Variants in LRP1B observed in about 807,000 individuals in gnomAD.
LRP1B encodes the protein low-density lipoprotein receptor-related protein 1B.
Under a neutral mutation model 556.6 loss-of-function variants are expected in LRP1B, and 217 were observed. The observed-to-expected ratio is 0.39, with a 90% CI of 0.35 to 0.44. The LOEUF (loss-of-function observed/expected upper bound fraction) is 0.44. Among genes scored for constraint, LRP1B ranks in the 20% least tolerant of loss-of-function variants. The pLI is 1.00. For synonymous variants in LRP1B, 2,047 were observed against 1,865.8 expected, an observed-to-expected ratio of 1.10 and a Z score of -2.50; for missense variants, 5,053 against 5,620.8, an observed-to-expected ratio of 0.90 and a Z score of 3.23.
intron 84 of LRP1B, among the ~76,000 whole-genome samples, chr2:140,286,819 G>A (rs1171689355): frequency 1.3e-5 from 2 of 151,600 alleles, no homozygotes; most frequent in Non-Finnish European, 2.9e-5. Context: ...AGCACTCAAA[G>A]TATCTATTAA....
At chr2:141,954,446 C>G (rs1426081959) in intron 1 of LRP1B, among the ~76,000 whole-genome samples, 1 of 152,020 alleles carries the variant, frequency 6.6e-6, no homozygotes, top group Non-Finnish European at 1.5e-5. Flanking sequence ...CTCACATAAC[C>G]TGGGTCAAAC....
intron 41 of LRP1B, among the ~76,000 whole-genome samples, chr2:140,668,309 C>CAAAAAAAAAA (rs560180473): frequency 6.7e-5 from 4 of 59,674 alleles, no homozygotes; most frequent in Non-Finnish European, 8.4e-5. Context: ...GACTCCGTCT[C>CAAAAAAAAAA]AAAAAAAAAA....
intron 3 of LRP1B, among the ~76,000 whole-genome samples, chr2:141,357,050 T>TTTTATTTTA (rs1688654638): frequency 6.6e-6 from 1 of 151,718 alleles, no homozygotes; most frequent in Admixed American, 6.6e-5. Context: ...TTTATTTTTA[T>TTTTATTTTA]TTTATTTTAT....
intron 2 of LRP1B, among the ~76,000 whole-genome samples, chr2:141,806,643 A>G (rs2105698988): frequency 6.6e-6 from 1 of 152,150 alleles, no homozygotes; most frequent in East Asian, 1.9e-4. Context: ...ACTAGAGAAT[A>G]CCCTAGATCC....
At chr2:141,499,347 C>T (rs1047322167) in intron 2 of LRP1B, among the ~76,000 whole-genome samples, 7 of 152,158 alleles carry the variant, frequency 4.6e-5, no homozygotes, top group Non-Finnish European at 7.4e-5. Context: ...CGATCCACTG[C>T]CCATGTAACT....
At chr2:140,700,701 T>C in intron 40 of LRP1B, 80 bp from the exon 41 acceptor site, 1 of 1,428,456 alleles carries the variant, frequency 7.0e-7, no homozygotes, top group Non-Finnish European at 9.6e-7. Flanking sequence ...CATAAAGAAA[T>C]ATTAAAACTT....
chr2:140,770,819 C>T lies in LRP1B; in HGVS notation c.5626+62G>A, dbSNP rs186216926. ...ACTGACTTTGGTTGCCTAACATCTG[C>T]ATGGTATGTAATGATTAGTGAAGTA... On this transcript the variant is annotated intron_variant, in intron 34 of 90. Coordinates refer to ENST00000389484, the MANE Select transcript of LRP1B (RefSeq NM_018557.3). 4.3e-5 allele frequency: 61 copies of T among 1,402,582 alleles called. 1 individual carries two copies. In the Admixed American group the frequency reaches 1.1e-3, roughly 24 times the overall value. 86.9% of individuals were successfully genotyped at this position (1,402,582 alleles called of 1,614,324 possible). A position where few individuals can be genotyped will look rare whatever the true frequency, so the allele number is the denominator to read the frequency against.
chr2:141,386,777 A>G (rs1395575359), intron 3 of LRP1B, among the ~76,000 whole-genome samples: 7 of 152,056 alleles, frequency 4.6e-5, no homozygotes, highest in Admixed American at 4.6e-4. Flanking sequence ...ATAGTTGGAG[A>G]CTTCAATATA....
intron 84 of LRP1B, among the ~76,000 whole-genome samples, chr2:140,296,115 T>A (rs1298705887): frequency 6.6e-6 from 1 of 152,168 alleles, no homozygotes; most frequent in Non-Finnish European, 1.5e-5. Flanking sequence ...AAGTCTGAAA[T>A]GTGAAATATT....
intron 1 of LRP1B, among the ~76,000 whole-genome samples, chr2:141,893,210 A>AT (rs992978036): frequency 2.6e-5 from 4 of 151,964 alleles, no homozygotes; most frequent in Non-Finnish European, 5.9e-5. Flanking sequence ...TGGACAGGTG[A>AT]TTTTTTTGAG....
intron 3 of LRP1B, among the ~76,000 whole-genome samples, chr2:141,312,956 T>C (rs909613520): frequency 1.3e-5 from 2 of 152,078 alleles, no homozygotes; most frequent in East Asian, 3.9e-4. Context: ...GCTGGGATTA[T>C]AGGCATGAGC....
chr2:140,501,073 G>A (rs1689165410), intron 55 of LRP1B, among the ~76,000 whole-genome samples: 1 of 151,896 alleles, frequency 6.6e-6, no homozygotes, highest in Non-Finnish European at 1.5e-5. Context: ...CCAACATACT[G>A]AAACAGAGTT....
chr2:141,880,871 ACTT>A, intron 1 of LRP1B, among the ~76,000 whole-genome samples: 1 of 151,464 alleles, frequency 6.6e-6, no homozygotes, highest in South Asian at 2.1e-4. Context: ...AATTATGATA[ACTT>A]ATTCTTATTT....
At chr2:140,244,387 A>G (rs914718520) in intron 87 of LRP1B, among the ~76,000 whole-genome samples, 3 of 151,272 alleles carry the variant, frequency 2.0e-5, no homozygotes, top group African/African-American at 7.3e-5. Context: ...CTGCACCACC[A>G]ATGCTGAGTA....
At chr2:140,587,322 A>G (rs1682025896) in intron 43 of LRP1B, among the ~76,000 whole-genome samples, 1 of 152,246 alleles carries the variant, frequency 6.6e-6, no homozygotes, top group African/African-American at 2.4e-5. Flanking sequence ...AAAACCACCA[A>G]TCTGGCAAGA....
intron 2 of LRP1B, among the ~76,000 whole-genome samples, chr2:141,671,953 G>A (rs1205734211): frequency 6.6e-6 from 1 of 151,276 alleles, no homozygotes. Context: ...AGACCAACAG[G>A]GTGTCTGTCT....
intron 2 of LRP1B, among the ~76,000 whole-genome samples, chr2:141,649,523 T>G (rs1219010593): frequency 2.0e-5 from 3 of 152,168 alleles, no homozygotes; most frequent in Non-Finnish European, 4.4e-5. Flanking sequence ...ATATCTTAAG[T>G]TGAAAAATGC....
chr2:141,009,764 A>G (rs1377620786), intron 14 of LRP1B, among the ~76,000 whole-genome samples: 4 of 152,056 alleles, frequency 2.6e-5, no homozygotes, highest in Non-Finnish European at 1.5e-5. Flanking sequence ...ATTTGAATGC[A>G]AAATTTATCA....
At chr2:141,354,613 T>A (rs1688559693) in intron 3 of LRP1B, among the ~76,000 whole-genome samples, 1 of 151,972 alleles carries the variant, frequency 6.6e-6, no homozygotes, top group Non-Finnish European at 1.5e-5. Context: ...CATTATTTCC[T>A]AAAACGACCG....
Sources: allele counts gnomAD v4.1 joint callset (sites outside exome capture counted in the v4.1 genomes callset), GRCh38; gene constraint gnomAD v4.1.1; transcripts MANE v1.5; gene names NCBI Gene and HGNC (gene_info 2026-07-23, HGNC 2026-07-21).